Variants in MAPKAP1 observed in about 807,000 individuals in gnomAD.
MAPKAP1 encodes the protein target of rapamycin complex 2 subunit MAPKAP1.
MAPKAP1 carries 20 observed loss-of-function variants against 65.7 expected under a neutral mutation model. That is an observed-to-expected ratio of 0.30 (90% CI 0.21 to 0.44). The LOEUF is 0.44. Among genes scored for constraint, MAPKAP1 ranks in the 20% least tolerant of loss-of-function variants. The probability of loss-of-function intolerance (pLI) is 1.00; values close to 1 mark genes in which losing one functional copy is unlikely to be tolerated. For missense variants in MAPKAP1, 423 were observed against 648.0 expected (o/e 0.65, Z 3.77); for synonymous variants, 222 against 244.3 (o/e 0.91, Z 0.85).
chr9:125,703,839 C>T (rs1422717408), intron 1 of MAPKAP1, among the ~76,000 whole-genome samples: 1 of 151,692 alleles, frequency 6.6e-6, no homozygotes, highest in Non-Finnish European at 1.5e-5. Flanking sequence ...TCTACAACTG[C>T]GTCCGTAACA....
At chr9:125,664,724 C>CAAAAAAAAAAAAAA (rs1199612669) in intron 3 of MAPKAP1, among the ~76,000 whole-genome samples, 2 of 59,924 alleles carry the variant, frequency 3.3e-5, no homozygotes, top group Non-Finnish European at 6.4e-5. Flanking sequence ...GACTCACTCT[C>CAAAAAAAAAAAAAA]AAAAAAAAAA....
chr9:125,594,227 A>G (rs10986813), intron 4 of MAPKAP1, among the ~76,000 whole-genome samples: 1 of 152,172 alleles, frequency 6.6e-6, no homozygotes, highest in Non-Finnish European at 1.5e-5. Flanking sequence ...ATTGCCACCA[A>G]TGTGATTTTT....
intron 6 of MAPKAP1, among the ~76,000 whole-genome samples, chr9:125,553,732 C>A (rs1257348989): frequency 6.6e-6 from 1 of 152,118 alleles, no homozygotes; most frequent in East Asian, 1.9e-4. Flanking sequence ...TACCATCTGG[C>A]CCTTTGCAGA....
At chr9:125,487,615 TAAA>T (rs35665829) in intron 8 of MAPKAP1, among the ~76,000 whole-genome samples, 2 of 126,828 alleles carry the variant, frequency 1.6e-5, no homozygotes, top group African/African-American at 5.7e-5. Flanking sequence ...TGCCAATTAC[TAAA>T]AAAAAAAAAA....
chr9:125,601,253 C>T (rs1011523989), intron 4 of MAPKAP1, among the ~76,000 whole-genome samples: 3 of 151,952 alleles, frequency 2.0e-5, no homozygotes, highest in African/African-American at 7.3e-5. Context: ...AATTTAATTT[C>T]AAAGATAGCG....
chr9:125,625,255 TAA>T lies in MAPKAP1; in HGVS notation c.498+32394_498+32395del, dbSNP rs58671780. Among the ~76,000 whole-genome samples the T allele has an allele frequency of 9.0e-3, 583 of 64,672 alleles. 2 individuals carry two copies. The highest frequency in any genetic ancestry group is 0.029 in the African/African-American group (482 of 16,846). The allele number at this position is 64,672 out of a possible 152,430, so 42.4% of individuals were successfully genotyped here. On this transcript the variant is annotated intron_variant, in intron 4 of 11. Transcript: ENST00000265960. ...TATCAATAAAAAAAAAATAAATAAA[TAA>T]AAAAAAAAAAAAAAAAAAAAAAACA...
chr9:125,643,143 G>T (rs1833626712), intron 4 of MAPKAP1, among the ~76,000 whole-genome samples: 1 of 150,918 alleles, frequency 6.6e-6, no homozygotes, highest in Non-Finnish European at 1.5e-5. Flanking sequence ...CAGGTGATCT[G>T]CCAGCCTTGG....
At chr9:125,691,985 G>A (rs1311784092) in intron 1 of MAPKAP1, among the ~76,000 whole-genome samples, 1 of 152,226 alleles carries the variant, frequency 6.6e-6, no homozygotes, top group Non-Finnish European at 1.5e-5. Context: ...GCCTAGGGCT[G>A]CTTCCAGCCC....
chr9:125,704,137 G>A (rs913937743), intron 1 of MAPKAP1, among the ~76,000 whole-genome samples: 4 of 152,090 alleles, frequency 2.6e-5, no homozygotes, highest in African/African-American at 7.2e-5. Context: ...CAGAGGGTCC[G>A]CATCCACATC....
At chr9:125,625,837 C>G (rs1226072999) in intron 4 of MAPKAP1, among the ~76,000 whole-genome samples, 1 of 152,070 alleles carries the variant, frequency 6.6e-6, no homozygotes, top group Non-Finnish European at 1.5e-5. Flanking sequence ...AAACTGAGGT[C>G]AGACTGAATT....
At chr9:125,662,893 A>T (rs1215207262) in intron 3 of MAPKAP1, among the ~76,000 whole-genome samples, 1 of 152,142 alleles carries the variant, frequency 6.6e-6, no homozygotes, top group Non-Finnish European at 1.5e-5. Flanking sequence ...GTATGAAATC[A>T]TATAGTAGCT....
At chr9:125,699,206 C>T (rs567822314) in intron 1 of MAPKAP1, among the ~76,000 whole-genome samples, 1 of 152,138 alleles carries the variant, frequency 6.6e-6, no homozygotes, top group Admixed American at 6.6e-5. Context: ...TAATTTTATA[C>T]TAACTTTTTT....
chr9:125,682,762 T>A (rs1241076743), intron 1 of MAPKAP1, among the ~76,000 whole-genome samples: 1 of 152,192 alleles, frequency 6.6e-6, no homozygotes, highest in Non-Finnish European at 1.5e-5. Flanking sequence ...AATTACCGGT[T>A]TAGGAGCTTA....
At chr9:125,560,493 A>G (rs1830861531) in intron 5 of MAPKAP1, among the ~76,000 whole-genome samples, 2 of 152,196 alleles carry the variant, frequency 1.3e-5, no homozygotes, top group African/African-American at 4.8e-5. Context: ...CTGAGGTGAG[A>G]GGATCACTTG....
intron 4 of MAPKAP1, among the ~76,000 whole-genome samples, chr9:125,616,155 CACA>C (rs895349747): frequency 1.3e-5 from 2 of 151,954 alleles, no homozygotes; most frequent in African/African-American, 4.8e-5. Context: ...TAAATAATGC[CACA>C]ACAACTGATT....
At chr9:125,698,688 T>C (rs1835506882) in intron 1 of MAPKAP1, among the ~76,000 whole-genome samples, 1 of 152,018 alleles carries the variant, frequency 6.6e-6, no homozygotes, top group South Asian at 2.1e-4. Flanking sequence ...TCTCTAAGCT[T>C]CAGTTTCGGC....
chr9:125,624,524 C>T (rs1276071447), intron 4 of MAPKAP1, among the ~76,000 whole-genome samples: 1 of 80,350 alleles, frequency 1.2e-5, no homozygotes, highest in Non-Finnish European at 2.9e-5. Context: ...AGTGAGGAGC[C>T]CCTCTGCCCA....
intron 5 of MAPKAP1, among the ~76,000 whole-genome samples, chr9:125,567,090 G>A (rs1398447854): frequency 2.6e-5 from 4 of 152,150 alleles, no homozygotes; most frequent in Non-Finnish European, 4.4e-5. Flanking sequence ...TCCATATTGA[G>A]TTCAGCCCAA....
At chr9:125,471,542 T>A (rs1853923978) in intron 9 of MAPKAP1, 1 of 149,438 alleles carries the variant, frequency 6.7e-6, no homozygotes, top group African/African-American at 2.5e-5. Flanking sequence ...TGATGAGGGG[T>A]GGGGGAAGAG....
Sources: gnomAD v4.1 joint callset for allele counts (sites outside exome capture counted in the v4.1 genomes callset) on GRCh38, gnomAD v4.1.1 for gene constraint, MANE v1.5 for transcripts, NCBI Gene and HGNC (gene_info 2026-07-23, HGNC 2026-07-21) for gene names.